Variants in MDGA2 observed in about 807,000 individuals in gnomAD.
MDGA2 encodes MAM domain containing glycosylphosphatidylinositol anchor 2, also known as MAM domain-containing glycosylphosphatidylinositol anchor protein 2.
Under a neutral mutation model 117.8 loss-of-function variants are expected in MDGA2, and 40 were observed. The observed-to-expected ratio is 0.34, with a 90% CI of 0.26 to 0.44. The LOEUF (loss-of-function observed/expected upper bound fraction) is 0.44. MDGA2 is among the 20% of genes least tolerant of loss of function. The probability of loss-of-function intolerance (pLI) is 1.00; values close to 1 mark genes in which losing one functional copy is unlikely to be tolerated. For missense variants in MDGA2, 1,123 were observed against 1,250.6 expected (o/e 0.90, Z 1.54); for synonymous variants, 452 against 439.0 (o/e 1.03, Z -0.37).
At chr14:46,887,281 C>A (rs1327426927) in intron 10 of MDGA2, among the ~76,000 whole-genome samples, 1 of 151,884 alleles carries the variant, frequency 6.6e-6, no homozygotes, top group African/African-American at 2.4e-5. Flanking sequence ...CTATATTTAG[C>A]CCTATTTCAT....
intron 2 of MDGA2, among the ~76,000 whole-genome samples, chr14:47,239,837 A>G (rs1377175849): frequency 1.3e-5 from 2 of 151,830 alleles, no homozygotes; most frequent in Non-Finnish European, 2.9e-5. Flanking sequence ...TTTTGAAACA[A>G]CGGGCTTTAT....
chr14:46,934,268 C>T (rs1884698295), intron 9 of MDGA2, among the ~76,000 whole-genome samples: 1 of 152,024 alleles, frequency 6.6e-6, no homozygotes, highest in East Asian at 1.9e-4. Context: ...AATTATGGTC[C>T]TGCACTGCTG....
rs1555336022 is a variant in MDGA2, at chr14:47,609,428, C to CATATATATATATATACAT, written c.280+65088_280+65089insATGTATATATATATATAT. Among the ~76,000 whole-genome samples the CATATATATATATATACAT allele has an allele frequency of 1.4e-3, 24 of 17,564 alleles. 2 individuals are homozygous for CATATATATATATATACAT. Among genetic ancestry groups the CATATATATATATATACAT allele is most frequent in the Admixed American group, 2.8e-3 (3 of 1,062 alleles). The allele number at this position is 17,564 out of a possible 152,430, so 11.5% of individuals were successfully genotyped here. A position where few individuals can be genotyped will look rare whatever the true frequency, so the allele number is the denominator to read the frequency against. On this transcript the variant is annotated intron_variant, in intron 1 of 16. Transcript: ENST00000399232. Reference sequence around the variant, plus strand: ...TTTCTATGGCTGAGTAGTATTCCATCATATATATATATATATATATATATA... The same window carrying CATATATATATATATACAT: ...TTTCTATGGCTGAGTAGTATTCCATCATATATATATATATACATATATATATATATATATATATATATA...
At chr14:47,293,994 C>T (rs571340026) in intron 2 of MDGA2, among the ~76,000 whole-genome samples, 11 of 151,004 alleles carry the variant, frequency 7.3e-5, no homozygotes, top group African/African-American at 2.7e-4. Context: ...TATGCTAATA[C>T]ATTTATTCAT....
At chr14:47,070,165 G>A (rs969360209) in intron 6 of MDGA2, among the ~76,000 whole-genome samples, 1 of 151,886 alleles carries the variant, frequency 6.6e-6, no homozygotes, top group African/African-American at 2.4e-5. Context: ...GGTCATATTC[G>A]TCCTTTATAA....
At chr14:47,029,914 A>G (rs1174389114) in intron 8 of MDGA2, among the ~76,000 whole-genome samples, 5 of 151,208 alleles carry the variant, frequency 3.3e-5, no homozygotes, top group East Asian at 3.9e-4. Context: ...TGCAACCTCT[A>G]CCTCCTGGGT....
chr14:47,177,138 A>G (rs1365050897), intron 3 of MDGA2, among the ~76,000 whole-genome samples: 1 of 152,244 alleles, frequency 6.6e-6, no homozygotes, highest in African/African-American at 2.4e-5. Flanking sequence ...CAGTCATTAA[A>G]AGTCAGGAAA....
chr14:47,133,759 C>A (rs888508917), intron 4 of MDGA2, among the ~76,000 whole-genome samples: 8 of 151,980 alleles, frequency 5.3e-5, no homozygotes, highest in Admixed American at 3.9e-4. Flanking sequence ...GGAATTTACA[C>A]CCAATTATAA....
chr14:47,657,788 T>C (rs761018824), intron 1 of MDGA2, among the ~76,000 whole-genome samples: 7 of 152,290 alleles, frequency 4.6e-5, no homozygotes, highest in Admixed American at 1.3e-4. Flanking sequence ...CATCATCTAA[T>C]AGAAAACTTT....
chr14:47,325,990 C>T (rs2139893421), intron 1 of MDGA2, among the ~76,000 whole-genome samples: 1 of 152,152 alleles, frequency 6.6e-6, no homozygotes, highest in African/African-American at 2.4e-5. Context: ...CTTGAGATTC[C>T]ATGCAAAGGG....
chr14:47,298,968 G>T (rs1257307053), intron 2 of MDGA2, among the ~76,000 whole-genome samples: 2 of 152,084 alleles, frequency 1.3e-5, no homozygotes, highest in Non-Finnish European at 2.9e-5. Context: ...TTACAGGCGT[G>T]AGCCACCGCG....
chr14:47,512,313 C>A (rs894873096), intron 1 of MDGA2, among the ~76,000 whole-genome samples: 4 of 152,074 alleles, frequency 2.6e-5, no homozygotes, highest in African/African-American at 9.7e-5. Flanking sequence ...CCCATTGTAG[C>A]TTTTTCTTCT....
intron 1 of MDGA2, among the ~76,000 whole-genome samples, chr14:47,508,800 C>T (rs1447828942): frequency 6.6e-6 from 1 of 152,158 alleles, no homozygotes; most frequent in African/African-American, 2.4e-5. Flanking sequence ...CTGCCTCAGC[C>T]TCCCGAGTAG....
intron 3 of MDGA2, among the ~76,000 whole-genome samples, chr14:47,163,092 T>C (rs1594682450): frequency 6.6e-6 from 1 of 152,192 alleles, no homozygotes; most frequent in South Asian, 2.1e-4. Flanking sequence ...TGTCACATCT[T>C]TGGGGCTCTA....
intron 1 of MDGA2, among the ~76,000 whole-genome samples, chr14:47,561,218 T>A (rs898437009): frequency 1.4e-5 from 2 of 146,326 alleles, no homozygotes; most frequent in African/African-American, 4.9e-5. Flanking sequence ...AATCTGGCTC[T>A]TTTTTGTTTC....
intron 1 of MDGA2, among the ~76,000 whole-genome samples, chr14:47,561,158 G>GGTTTTTTTTT (rs1566515949): frequency 3.6e-5 from 2 of 55,094 alleles, no homozygotes; most frequent in African/African-American, 9.2e-5. Context: ...TTTTTGTTTT[G>GGTTTTTTTTT]TTTTGTTTTT....
At position 46,957,544 on chromosome 14, in the gene MDGA2, AC is replaced by A; in HGVS notation, c.1918del (p.Val640CysfsTer2). 1 of 1,614,158 alleles carries A rather than the reference AC, an allele frequency of 6.2e-7. No homozygotes were observed. Among genetic ancestry groups the A allele is most frequent in the Non-Finnish European group, 8.5e-7 (1 of 1,180,026 alleles). ...GCCCAAGCGCCACTCATAGGTCAGC[AC>A]CCGTATTGGATAGGCTCTCAGTACT... ...CRVLRAYPIR[V>X]LTYEWRLGNK... is the part of the protein sequence containing the mutation. On this transcript the variant is annotated frameshift_variant, in exon 9 of 17. Coordinates refer to ENST00000399232, the MANE Select transcript of MDGA2 (RefSeq NM_001113498.3). LOFTEE classifies it high-confidence loss of function.
intron 1 of MDGA2, among the ~76,000 whole-genome samples, chr14:47,370,143 A>C (rs1891313725): frequency 6.6e-6 from 1 of 152,054 alleles, no homozygotes; most frequent in Admixed American, 6.5e-5. Context: ...TCATTCAATA[A>C]TGCATTCAAC....
intron 1 of MDGA2, among the ~76,000 whole-genome samples, chr14:47,669,236 A>C (rs1397178264): frequency 1.3e-5 from 2 of 152,200 alleles, no homozygotes; most frequent in Non-Finnish European, 2.9e-5. Flanking sequence ...GGCAAAATAT[A>C]AGTATAAAGA....
Sources: gnomAD v4.1 joint callset for allele counts (sites outside exome capture counted in the v4.1 genomes callset) on GRCh38, gnomAD v4.1.1 for gene constraint, MANE v1.5 for transcripts, NCBI Gene and HGNC (gene_info 2026-07-23, HGNC 2026-07-21) for gene names.